Variants in PTPRD observed in about 807,000 individuals in gnomAD.
PTPRD encodes receptor-type tyrosine-protein phosphatase delta.
PTPRD carries 34 observed loss-of-function variants against 214.5 expected under a neutral mutation model. That is an observed-to-expected ratio of 0.16 (90% CI 0.12 to 0.21). The LOEUF is 0.21. Ranked by LOEUF, PTPRD falls within the 10% of genes least tolerant of loss-of-function variation. The pLI, the probability that PTPRD is intolerant of heterozygous loss-of-function variation, is 1.00. For missense variants in PTPRD, 2,545 were observed against 2,398.7 expected (o/e 1.06, Z -1.27); for synonymous variants, 1,128 against 845.7 (o/e 1.33, Z -5.79).
intron 15 of PTPRD, 68 bp from the exon 16 acceptor site, chr9:8,527,421 A>G: frequency 6.8e-7 from 1 of 1,479,758 alleles, no homozygotes; most frequent in Non-Finnish European, 9.3e-7. Flanking sequence ...ATAATTTGGT[A>G]CAAATTTTTC....
intron 5 of PTPRD, among the ~76,000 whole-genome samples, chr9:9,793,516 G>C (rs889233754): frequency 6.6e-6 from 1 of 152,184 alleles, no homozygotes; most frequent in East Asian, 1.9e-4. Flanking sequence ...AGATATGTAC[G>C]TCTGTCAACA....
chr9:9,497,478 C>T (rs777586788), intron 8 of PTPRD, among the ~76,000 whole-genome samples: 5 of 152,096 alleles, frequency 3.3e-5, no homozygotes, highest in Non-Finnish European at 7.4e-5. Context: ...TATCATCCCC[C>T]TCCAACATGC....
chr9:9,988,883 A>C (rs2095811294), intron 4 of PTPRD, among the ~76,000 whole-genome samples: 1 of 151,778 alleles, frequency 6.6e-6, no homozygotes, highest in Non-Finnish European at 1.5e-5. Flanking sequence ...TAAACAATTG[A>C]CCTTTGAAAT....
chr9:9,684,147 A>T lies in PTPRD; in HGVS notation c.-287+50386T>A, dbSNP rs140078192. 7.3e-3 allele frequency among the ~76,000 whole-genome samples: 1,106 copies of T among 151,768 alleles called. 12 individuals carry two copies. The highest frequency in any genetic ancestry group is 0.025 in the African/African-American group (1,047 of 41,500). Reference sequence around the variant, plus strand: ...AAAGGCAGCCTGAACACATAAGATCATATTAGACATGCTTGGTTAAAAAAA... The same window carrying T: ...AAAGGCAGCCTGAACACATAAGATCTTATTAGACATGCTTGGTTAAAAAAA... On this transcript the variant is annotated intron_variant, in intron 7 of 45. Transcript: ENST00000381196.
intron 44 of PTPRD, among the ~76,000 whole-genome samples, chr9:8,320,790 C>T (rs1439031136): frequency 6.6e-6 from 1 of 152,038 alleles, no homozygotes; most frequent in Non-Finnish European, 1.5e-5. Flanking sequence ...CCAGAATCTT[C>T]ACGGTAGCAA....
chr9:9,478,599 T>G (rs1171514610), intron 8 of PTPRD, among the ~76,000 whole-genome samples: 6 of 152,204 alleles, frequency 3.9e-5, no homozygotes, highest in Admixed American at 3.9e-4. Context: ...ATTTATTTCC[T>G]ACTGTCCTGC....
chr9:10,501,199 T>C (rs966865972), intron 2 of PTPRD, among the ~76,000 whole-genome samples: 1 of 152,000 alleles, frequency 6.6e-6, no homozygotes, highest in East Asian at 1.9e-4. Flanking sequence ...CTCATTGGCA[T>C]TCACTGGTGC....
intron 3 of PTPRD, among the ~76,000 whole-genome samples, chr9:10,206,582 G>C (rs551143224): frequency 4.1e-4 from 63 of 152,314 alleles, no homozygotes; most frequent in African/African-American, 1.5e-3. Context: ...TACAGGAACA[G>C]TTCTAAATAT....
At chr9:9,665,574 T>A (rs1751769198) in intron 7 of PTPRD, among the ~76,000 whole-genome samples, 1 of 151,606 alleles carries the variant, frequency 6.6e-6, no homozygotes, top group Non-Finnish European at 1.5e-5. Flanking sequence ...TTACTCAGAG[T>A]CCCCCAGTTA....
chr9:9,628,687 T>C (rs1383478528), intron 7 of PTPRD, among the ~76,000 whole-genome samples: 3 of 152,116 alleles, frequency 2.0e-5, no homozygotes, highest in South Asian at 2.1e-4. Flanking sequence ...ACCTCCTTCT[T>C]AGTAATCTTA....
At chr9:10,372,604 TA>T (rs1174682877) in intron 2 of PTPRD, among the ~76,000 whole-genome samples, 1 of 152,024 alleles carries the variant, frequency 6.6e-6, no homozygotes, top group African/African-American at 2.4e-5. Flanking sequence ...CCTTTTACTC[TA>T]AACTTTTACA....
intron 3 of PTPRD, among the ~76,000 whole-genome samples, chr9:10,208,363 A>C (rs963121237): frequency 1.3e-5 from 2 of 152,088 alleles, no homozygotes; most frequent in African/African-American, 4.8e-5. Flanking sequence ...AAATACAAAA[A>C]ATTAGCCGGG....
intron 3 of PTPRD, among the ~76,000 whole-genome samples, chr9:10,339,558 T>C (rs1368487506): frequency 6.6e-6 from 1 of 151,608 alleles, no homozygotes; most frequent in African/African-American, 2.4e-5. Context: ...TTGACAGGGA[T>C]TTTCAAGATG....
chr9:9,976,472 T>C (rs145960451), intron 4 of PTPRD, among the ~76,000 whole-genome samples: 4,165 of 151,770 alleles, frequency 0.027, 84 homozygotes, highest in Middle Eastern at 0.079. Flanking sequence ...CTGCAACCTT[T>C]GCCTCCTGAG....
chr9:10,222,227 G>A (rs1037918501), intron 3 of PTPRD, among the ~76,000 whole-genome samples: 1 of 151,988 alleles, frequency 6.6e-6, no homozygotes, highest in African/African-American at 2.4e-5. Context: ...TTCCTGCTAT[G>A]AGAGTTCATA....
intron 5 of PTPRD, among the ~76,000 whole-genome samples, chr9:9,860,394 A>G (rs1319395891): frequency 2.0e-5 from 3 of 152,246 alleles, no homozygotes; most frequent in African/African-American, 4.8e-5. Context: ...GTCTGCATAT[A>G]AAGTAGGTAC....
chr9:10,557,366 C>T (rs963246412), intron 2 of PTPRD, among the ~76,000 whole-genome samples: 23 of 152,210 alleles, frequency 1.5e-4, no homozygotes, highest in Admixed American at 9.8e-4. Flanking sequence ...CTGTCTCCAA[C>T]GCAGCATTCT....
At chr9:9,745,515 G>C (rs1197400778) in intron 6 of PTPRD, among the ~76,000 whole-genome samples, 1 of 152,038 alleles carries the variant, frequency 6.6e-6, no homozygotes, top group African/African-American at 2.4e-5. Flanking sequence ...CATCGTGGCA[G>C]GGCAAATGAA....
chr9:10,523,237 T>C (rs1026303408), intron 2 of PTPRD, among the ~76,000 whole-genome samples: 13 of 152,004 alleles, frequency 8.6e-5, no homozygotes, highest in Non-Finnish European at 1.6e-4. Flanking sequence ...GATTGCAAAA[T>C]CCTATATGAA....
Sources: allele counts gnomAD v4.1 joint callset (sites outside exome capture counted in the v4.1 genomes callset), GRCh38; gene constraint gnomAD v4.1.1; transcripts MANE v1.5; gene names NCBI Gene and HGNC (gene_info 2026-07-23, HGNC 2026-07-21).